ASIC2: variants seen among roughly 807,000 people sequenced by gnomAD.
ASIC2 encodes acid sensing ion channel subunit 2, also known as acid-sensing ion channel 2.
ASIC2 carries 25 observed loss-of-function variants against 57.3 expected under a neutral mutation model. That is an observed-to-expected ratio of 0.44 (90% confidence interval 0.32 to 0.61). The LOEUF (loss-of-function observed/expected upper bound fraction) is 0.61, where lower values mean the gene tolerates loss of function less well. ASIC2 is among the 20% of genes least tolerant of loss of function. ASIC2 has a pLI of 0.06. For synonymous variants in ASIC2, 319 were observed against 307.5 expected (o/e 1.04, Z -0.39); for missense variants, 641 against 738.1 (o/e 0.87, Z 1.52).
intron 1 of ASIC2, among the ~76,000 whole-genome samples, chr17:33,264,863 AG>A (rs1909407601): frequency 6.6e-6 from 1 of 152,228 alleles, no homozygotes; most frequent in African/African-American, 2.4e-5. Flanking sequence ...GTTGGGAAAA[AG>A]TATGAACTGA....
At chr17:33,018,581 A>C (rs2091819848) in intron 7 of ASIC2, among the ~76,000 whole-genome samples, 1 of 152,214 alleles carries the variant, frequency 6.6e-6, no homozygotes, top group Admixed American at 6.5e-5. Context: ...AGTCCTCAAA[A>C]GCTTAAGATG....
At chr17:33,942,432 G>T (rs181235417) in intron 1 of ASIC2, among the ~76,000 whole-genome samples, 2 of 152,270 alleles carry the variant, frequency 1.3e-5, no homozygotes, top group African/African-American at 4.8e-5. Flanking sequence ...GAAGTGCAGG[G>T]TCTAACTCAA....
At chr17:33,695,733 T>G (rs1297136799) in intron 1 of ASIC2, among the ~76,000 whole-genome samples, 1 of 152,258 alleles carries the variant, frequency 6.6e-6, no homozygotes, top group East Asian at 1.9e-4. Flanking sequence ...AAGACATATG[T>G]CCTCCATTCC....
intron 1 of ASIC2, among the ~76,000 whole-genome samples, chr17:33,662,668 T>TAAATAAATAAATAAATACATAAAA (rs530248877): frequency 7.8e-6 from 1 of 128,054 alleles, no homozygotes; most frequent in African/African-American, 2.9e-5. Flanking sequence ...AATAAATAAA[T>TAAATAAATAAATAAATACATAAAA]AAGTAAAATA....
chr17:33,557,415 A>G (rs1029578819), intron 1 of ASIC2, among the ~76,000 whole-genome samples: 28 of 152,232 alleles, frequency 1.8e-4, no homozygotes, highest in African/African-American at 6.8e-4. Flanking sequence ...GTTAACAGTC[A>G]AGACTACAAA....
intron 1 of ASIC2, among the ~76,000 whole-genome samples, chr17:34,049,435 G>A (rs896327283): frequency 2.0e-5 from 3 of 152,156 alleles, no homozygotes; most frequent in African/African-American, 7.2e-5. Flanking sequence ...TCCAGGAACA[G>A]GCTGCATTCC....
At chr17:33,169,068 G>A (rs1008549175) in intron 1 of ASIC2, among the ~76,000 whole-genome samples, 2 of 152,172 alleles carry the variant, frequency 1.3e-5, no homozygotes, top group African/African-American at 4.8e-5. Flanking sequence ...GCTGTCCATG[G>A]GTTCACTGCC....
At chr17:33,113,397 A>G (rs1270758814) in intron 1 of ASIC2, among the ~76,000 whole-genome samples, 1 of 152,180 alleles carries the variant, frequency 6.6e-6, no homozygotes, top group Non-Finnish European at 1.5e-5. Flanking sequence ...ACTGCTTTCA[A>G]ACCTCGAGCT....
intron 1 of ASIC2, among the ~76,000 whole-genome samples, chr17:33,742,125 G>A (rs1273614562): frequency 6.6e-6 from 1 of 152,216 alleles, no homozygotes; most frequent in Non-Finnish European, 1.5e-5. Context: ...TTTCTGGCCA[G>A]GTTGTTCCAG....
At position 33,926,288 on chromosome 17, in the gene ASIC2, A is replaced by G. The variant is rs532647360; in HGVS notation, c.555+229690T>C. Among the ~76,000 whole-genome samples the G allele has an allele frequency of 2.3e-3, 351 of 152,316 alleles. 2 individuals carry two copies. Among genetic ancestry groups the G allele is most frequent in the Non-Finnish European group, 4.3e-3 (290 of 68,034 alleles). On this transcript the variant is annotated intron_variant, in intron 1 of 9. Coordinates refer to the ASIC2 transcript ENST00000359872. ...ATCCTCACAAAAACCTTGCGGAAGTATTACAGGTTAAGTCTCCCTTATCCA... is the reference window on the plus strand; with the variant it reads ...ATCCTCACAAAAACCTTGCGGAAGTGTTACAGGTTAAGTCTCCCTTATCCA...
chr17:33,602,427 T>G (rs1269281957), intron 1 of ASIC2, among the ~76,000 whole-genome samples: 1 of 152,150 alleles, frequency 6.6e-6, no homozygotes, highest in Non-Finnish European at 1.5e-5. Flanking sequence ...CCCTTCGCTC[T>G]CTCTCTCTCA....
At chr17:33,239,223 G>A (rs1044426820) in intron 1 of ASIC2, among the ~76,000 whole-genome samples, 2 of 152,058 alleles carry the variant, frequency 1.3e-5, no homozygotes, top group African/African-American at 4.8e-5. Context: ...CCCGGGAGGC[G>A]GAGGTTGCAG....
intron 1 of ASIC2, among the ~76,000 whole-genome samples, chr17:33,159,535 C>T (rs536111306): frequency 2.0e-5 from 3 of 152,224 alleles, no homozygotes; most frequent in African/African-American, 4.8e-5. Context: ...CATACACGGT[C>T]GCTAAAATCT....
intron 1 of ASIC2, among the ~76,000 whole-genome samples, chr17:33,412,516 A>G (rs1910698476): frequency 6.6e-6 from 1 of 152,194 alleles, no homozygotes; most frequent in South Asian, 2.1e-4. Context: ...AGGCTCAGAG[A>G]AGTCAAATAA....
intron 1 of ASIC2, among the ~76,000 whole-genome samples, chr17:34,019,099 G>A (rs541394265): frequency 1.3e-5 from 2 of 151,850 alleles, no homozygotes; most frequent in Non-Finnish European, 2.9e-5. Context: ...TAGTAGAGAC[G>A]GGGTTTCGCT....
rs1382889837 is a variant in ASIC2, at chr17:33,412,539, C to G, written c.556-300472G>C. Among the ~76,000 whole-genome samples the G allele has an allele frequency of 2.6e-5, 4 of 152,318 alleles. No homozygotes were observed. The East Asian group carries it at 7.7e-4, about 29-fold the overall frequency. Reference sequence around the variant, plus strand: ...AGAAGTCAAATAATTTGCCCAAGATCAGACAGAGAAGGAGAGGCACAGTCA... The same window carrying G: ...AGAAGTCAAATAATTTGCCCAAGATGAGACAGAGAAGGAGAGGCACAGTCA... On this transcript the variant is annotated intron_variant, in intron 1 of 9. Transcript: ENST00000359872.
intron 1 of ASIC2, among the ~76,000 whole-genome samples, chr17:34,035,563 A>G (rs1907839936): frequency 6.6e-6 from 1 of 152,002 alleles, no homozygotes; most frequent in African/African-American, 2.4e-5. Context: ...GCTTCTGCAC[A>G]TCAAAAGAAA....
chr17:33,684,232 T>A (rs1908104920), intron 1 of ASIC2, among the ~76,000 whole-genome samples: 1 of 152,156 alleles, frequency 6.6e-6, no homozygotes, highest in African/African-American at 2.4e-5. Flanking sequence ...CTACATCTCC[T>A]GAAAATGCAG....
At chr17:33,398,955 T>G (rs1910181883) in intron 1 of ASIC2, among the ~76,000 whole-genome samples, 1 of 152,214 alleles carries the variant, frequency 6.6e-6, no homozygotes, top group African/African-American at 2.4e-5. Context: ...AGTCATAGAC[T>G]GGGACATATC....
Sources: allele counts gnomAD v4.1 joint callset (sites outside exome capture counted in the v4.1 genomes callset), GRCh38; gene constraint gnomAD v4.1.1; transcripts MANE v1.5; gene names NCBI Gene and HGNC (gene_info 2026-07-23, HGNC 2026-07-21).